Variants in MCF2L2 observed in about 807,000 individuals in gnomAD.
MCF2L2 encodes MCF.2 cell line derived transforming sequence-like 2.
Under a neutral mutation model 150.2 loss-of-function variants are expected in MCF2L2, and 102 were observed. The observed-to-expected ratio is 0.68, with a 90% CI of 0.58 to 0.80. The LOEUF (loss-of-function observed/expected upper bound fraction) is 0.80, where lower values mean the gene tolerates loss of function less well. Ranked by LOEUF, MCF2L2 falls within the 30% of genes least tolerant of loss-of-function variation. The pLI is 0.00. For missense variants in MCF2L2, 1,256 were observed against 1,372.8 expected, an observed-to-expected ratio of 0.91 and a Z score of 1.34; for synonymous variants, 465 against 491.3, an observed-to-expected ratio of 0.95 and a Z score of 0.71.
chr3:183,310,603 C>A, intron 9 of MCF2L2: 1 of 323,114 alleles, frequency 3.1e-6, no homozygotes, highest in Non-Finnish European at 6.1e-6. Context: ...ATCAAAGCTG[C>A]AGTGAGCCAT....
chr3:183,190,206 G>T (rs967085908), intron 27 of MCF2L2, among the ~76,000 whole-genome samples: 1 of 152,182 alleles, frequency 6.6e-6, no homozygotes, highest in Non-Finnish European at 1.5e-5. Context: ...ACCAGCTGGT[G>T]TGTCCCCATC....
chr3:183,234,853 C>T (rs1458590473), intron 15 of MCF2L2, among the ~76,000 whole-genome samples: 2 of 118,972 alleles, frequency 1.7e-5, no homozygotes, highest in African/African-American at 6.8e-5. Flanking sequence ...CCCTCTCCCC[C>T]GACCCCACCA....
At chr3:183,365,488 A>T (rs1368828070) in intron 3 of MCF2L2, among the ~76,000 whole-genome samples, 1 of 152,254 alleles carries the variant, frequency 6.6e-6, no homozygotes, top group East Asian at 1.9e-4. Context: ...GAATAGACAG[A>T]CACACCAATT....
In MCF2L2 at chr3:183,279,649, C is replaced by T. The variant is rs562264585; in HGVS notation, c.1777-2692G>A. Among the ~76,000 whole-genome samples, 12 of 152,240 alleles carry T rather than the reference C, an allele frequency of 7.9e-5. No homozygotes were observed. The East Asian group carries it at 2.3e-3, about 29-fold the overall frequency. Reference sequence around the variant, plus strand: ...TGGGAGGCCAATCAGGCGGAACAGCCCCTCTCCCCTTATGGTCATTTTATC... The same window carrying T: ...TGGGAGGCCAATCAGGCGGAACAGCTCCTCTCCCCTTATGGTCATTTTATC... On this transcript the variant is annotated intron_variant, in intron 14 of 29. Coordinates refer to ENST00000328913, the MANE Select transcript of MCF2L2 (RefSeq NM_015078.4).
chr3:183,411,463 T>A (rs1000692073), intron 1 of MCF2L2, among the ~76,000 whole-genome samples: 3 of 152,166 alleles, frequency 2.0e-5, no homozygotes, highest in Admixed American at 6.5e-5. Flanking sequence ...AGGGAGCCAA[T>A]GTGATAACAG....
rs1034860956 is a variant in MCF2L2 at position 183,428,300 on chromosome 3, G to A, written c.-323C>T. On this transcript the variant is annotated 5_prime_UTR_variant, in exon 1 of 30. Transcript: ENST00000328913. This position sits in a 1 kb window ranked among gnomAD's most constrained non-coding sequence, Gnocchi z 5.1. ...GGCTCCTCCGGCCGGGCGAGCTCCGGGGCTTCCAGAATCGCGGTCCCGGCC... is the reference window on the plus strand; with the variant it reads ...GGCTCCTCCGGCCGGGCGAGCTCCGAGGCTTCCAGAATCGCGGTCCCGGCC... The A allele has an allele frequency of 9.5e-6, 3 of 317,334 alleles. No homozygotes were observed. The highest frequency in any genetic ancestry group is 3.5e-5 in the South Asian group (1 of 28,182). The allele number at this position is 317,334 out of a possible 1,614,324, so 19.7% of individuals were successfully genotyped here. A position where few individuals can be genotyped will look rare whatever the true frequency, so the allele number is the denominator to read the frequency against.
intron 14 of MCF2L2, among the ~76,000 whole-genome samples, chr3:183,282,499 T>C (rs1467816826): frequency 6.6e-6 from 1 of 152,210 alleles, no homozygotes; most frequent in Non-Finnish European, 1.5e-5. Context: ...TGCAAATGTT[T>C]TAATAAATTT....
rs1215942303 is a variant in MCF2L2, at chr3:183,314,930, T to C, written c.753+3138A>G. Among the ~76,000 whole-genome samples the C allele has an allele frequency of 4.8e-4, 60 of 125,428 alleles. 7 individuals carry two copies. Among genetic ancestry groups the C allele is most frequent in the East Asian group, 9.0e-4 (4 of 4,444 alleles). The allele number at this position is 125,428 out of a possible 152,430, so 82.3% of individuals were successfully genotyped here. On this transcript the variant is annotated intron_variant, in intron 7 of 29. Coordinates refer to ENST00000328913, the MANE Select transcript of MCF2L2 (RefSeq NM_015078.4). ...TTCTTTTTTTTTTTTTTTTTTTTTT[T>C]TTTTTTTTTTTTTTTTTTTTTTTGA...
chr3:183,217,294 C>CAA (rs35973262), intron 21 of MCF2L2, among the ~76,000 whole-genome samples: 443 of 15,200 alleles, frequency 0.029, 82 homozygotes, highest in East Asian at 0.11. Flanking sequence ...AACCCCGTCT[C>CAA]AAAAAAAAAA....
intron 1 of MCF2L2, among the ~76,000 whole-genome samples, chr3:183,407,564 CTTCT>C (rs1006127057): frequency 5.3e-5 from 8 of 152,122 alleles, no homozygotes; most frequent in African/African-American, 1.9e-4. Context: ...CTTTCTTCTG[CTTCT>C]TTTTTAGATT....
At chr3:183,332,743 C>T (rs141068033) in intron 5 of MCF2L2, among the ~76,000 whole-genome samples, 22 of 152,306 alleles carry the variant, frequency 1.4e-4, no homozygotes, top group African/African-American at 5.3e-4. Context: ...GTCTCCATCT[C>T]TTCCCAAACA....
chr3:183,382,334 C>T (rs1024051016), intron 2 of MCF2L2, among the ~76,000 whole-genome samples: 1 of 152,184 alleles, frequency 6.6e-6, no homozygotes, highest in African/African-American at 2.4e-5. Flanking sequence ...GCTGGGATTA[C>T]AGGCGTTGAG....
rs188070605 is a variant in MCF2L2 at position 183,244,422 on chromosome 3, C to T, written c.1863-13405G>A. On this transcript the variant is annotated intron_variant, in intron 15 of 29. Coordinates refer to ENST00000328913, the MANE Select transcript of MCF2L2 (RefSeq NM_015078.4). The stretch of plus-strand genomic sequence containing the variant: ...AGGTTTTGGGACTCAGACTGGCTTC[C>T]TGACTCCTCAGCTTGCAGATGCCTA... Among the ~76,000 whole-genome samples, 4 of 152,328 alleles carry T rather than the reference C, an allele frequency of 2.6e-5. No homozygotes were observed. The East Asian group carries it at 7.7e-4, about 29-fold the overall frequency.
In MCF2L2 at chr3:183,273,644, T is replaced by G. The variant is rs1336628086; in HGVS notation, c.1862+3228A>C. Among the ~76,000 whole-genome samples, 5 of 152,246 alleles carry G rather than the reference T, an allele frequency of 3.3e-5. No individual in the cohort carries two copies. The South Asian group carries it at 1.0e-3, about 31-fold the overall frequency. Reference sequence around the variant, plus strand: ...GATCACATATATGATGATAGTCCCATGAAATTGTAATGGAACTGCCCTATA... The same window carrying G: ...GATCACATATATGATGATAGTCCCAGGAAATTGTAATGGAACTGCCCTATA... On this transcript the variant is annotated intron_variant, in intron 15 of 29. Transcript: ENST00000328913.
chr3:183,310,193 T>G (rs1273755785), intron 9 of MCF2L2, among the ~76,000 whole-genome samples: 1 of 151,792 alleles, frequency 6.6e-6, no homozygotes, highest in Non-Finnish European at 1.5e-5. Context: ...AGACCTCGTC[T>G]CTGCAAAAAT....
At chr3:183,426,390 G>A (rs914338280) in intron 1 of MCF2L2, among the ~76,000 whole-genome samples, 14 of 152,316 alleles carry the variant, frequency 9.2e-5, no homozygotes, top group South Asian at 2.1e-4. Context: ...CTTTAGTGGC[G>A]TGACAGAGGG....
At chr3:183,317,010 GTT>G (rs1407627395) in intron 7 of MCF2L2, among the ~76,000 whole-genome samples, 1 of 152,070 alleles carries the variant, frequency 6.6e-6, no homozygotes, top group African/African-American at 2.4e-5. Context: ...CCCGGCCATT[GTT>G]TTTTTGAATA....
At chr3:183,321,346 A>G (rs1729802045) in intron 6 of MCF2L2, among the ~76,000 whole-genome samples, 2 of 151,748 alleles carry the variant, frequency 1.3e-5, no homozygotes, top group Admixed American at 1.3e-4. Context: ...GCTGAGGCAG[A>G]AGAATTGCTT....
intron 9 of MCF2L2, 192 bp downstream of exon 9, chr3:183,310,723 T>C: frequency 1.7e-6 from 1 of 576,540 alleles, no homozygotes; most frequent in Non-Finnish European, 3.1e-6. Flanking sequence ...GTAAATGGGA[T>C]TCTAGAACAG....
Sources: allele counts gnomAD v4.1 joint callset (sites outside exome capture counted in the v4.1 genomes callset), GRCh38; gene constraint gnomAD v4.1.1; non-coding constraint Gnocchi (gnomAD v3.1); transcripts MANE v1.5; gene names NCBI Gene and HGNC (gene_info 2026-07-23, HGNC 2026-07-21).